Variants in CHIC1 observed in about 807,000 individuals in gnomAD.
CHIC1 encodes the protein cysteine-rich hydrophobic domain-containing protein 1.
CHIC1 carries 7 observed loss-of-function variants against 18.5 expected under a neutral mutation model. The ratio of observed to expected loss-of-function variants is 0.38; its 90% CI spans 0.22 to 0.71. The LOEUF is 0.71. Ranked by LOEUF, CHIC1 falls within the 30% of genes least tolerant of loss-of-function variation. The pLI, the probability that CHIC1 is intolerant of heterozygous loss-of-function variation, is 0.49. For synonymous variants in CHIC1, 77 were observed against 73.5 expected, an observed-to-expected ratio of 1.05 and a Z score of -0.25; for missense variants, 159 against 176.9, an observed-to-expected ratio of 0.90 and a Z score of 0.57.
chrX:73,675,873 T>C (rs1376166821), intron 3 of CHIC1, among the ~76,000 whole-genome samples: 6 of 110,372 alleles, frequency 5.4e-5, no homozygotes, highest in Non-Finnish European at 1.1e-4. Context: ...CTGGTACCGG[T>C]TGTTCCTTTC....
chrX:73,594,134 G>A (rs920795247), intron 3 of CHIC1, among the ~76,000 whole-genome samples: 2 of 97,966 alleles, frequency 2.0e-5, no homozygotes, highest in Admixed American at 2.2e-4. Flanking sequence ...TTGTGTACAG[G>A]TGCTTTCCTT....
intron 3 of CHIC1, among the ~76,000 whole-genome samples, chrX:73,614,872 T>A (rs183421207): frequency 1.8e-3 from 202 of 110,947 alleles, no homozygotes; most frequent in African/African-American, 6.2e-3. Context: ...TTTTATAAAT[T>A]TCTTTCTGAT....
intron 3 of CHIC1, among the ~76,000 whole-genome samples, chrX:73,661,015 T>C (rs1054550193): frequency 9.0e-6 from 1 of 111,608 alleles, no homozygotes; most frequent in Non-Finnish European, 1.9e-5. Context: ...TTTTGTTTTT[T>C]GAGCATATTT....
At chrX:73,665,662 T>C (rs1317665366) in intron 3 of CHIC1, among the ~76,000 whole-genome samples, 2 of 111,403 alleles carry the variant, frequency 1.8e-5, no homozygotes, top group Middle Eastern at 4.6e-3. Context: ...ATCTTCGTTT[T>C]CAAGGGTTCC....
chrX:73,625,741 T>G (rs1453754935), intron 3 of CHIC1, among the ~76,000 whole-genome samples: 2 of 111,002 alleles, frequency 1.8e-5, no homozygotes, highest in Non-Finnish European at 3.8e-5. Flanking sequence ...CCCCTAAATC[T>G]TAGGAAGGTC....
chrX:73,660,361 G>A (rs1037928532), intron 3 of CHIC1, among the ~76,000 whole-genome samples: 1 of 112,083 alleles, frequency 8.9e-6, no homozygotes, highest in Non-Finnish European at 1.9e-5. Context: ...TAGCCAAGCA[G>A]TTACATTATT....
chrX:73,607,117 A>G lies in CHIC1; in HGVS notation c.507+22545A>G, dbSNP rs753071043. Among the ~76,000 whole-genome samples, 4 of 108,188 alleles carry G rather than the reference A, an allele frequency of 3.7e-5. No homozygotes were observed. In the South Asian group the frequency reaches 1.2e-3, roughly 31 times the overall value. 93.9% of individuals were successfully genotyped at this position (108,188 alleles called of 115,157 possible). A position where few individuals can be genotyped will look rare whatever the true frequency, so the allele number is the denominator to read the frequency against. Reference sequence around the variant, plus strand: ...CCCCCAGGTGCTCTGTTCCAGGGAGATATGAGTTTTATCTATAAGTCTTTG... The same window carrying G: ...CCCCCAGGTGCTCTGTTCCAGGGAGGTATGAGTTTTATCTATAAGTCTTTG... On this transcript the variant is annotated intron_variant, in intron 3 of 5. Coordinates refer to ENST00000373502, the MANE Select transcript of CHIC1 (RefSeq NM_001039840.4).
intron 3 of CHIC1, among the ~76,000 whole-genome samples, chrX:73,616,316 C>T (rs1052072512): frequency 9.0e-6 from 1 of 111,520 alleles, no homozygotes; most frequent in African/African-American, 3.3e-5. Flanking sequence ...CTGGAGGTAT[C>T]TTAATTACCC....
At chrX:73,636,626 C>CT (rs771575914) in intron 3 of CHIC1, among the ~76,000 whole-genome samples, 9 of 108,460 alleles carry the variant, frequency 8.3e-5, no homozygotes, top group South Asian at 4.0e-4. Context: ...CTGTTTAGTT[C>CT]TTTTTTTTTG....
intron 3 of CHIC1, among the ~76,000 whole-genome samples, chrX:73,659,618 A>G (rs7890544): frequency 0.03 from 3,308 of 111,290 alleles, 142 homozygotes; most frequent in African/African-American, 0.1. Context: ...ACAAGAGGCG[A>G]ACCAAGCCTG....
chrX:73,664,301 A>G (rs2057994321), intron 3 of CHIC1, among the ~76,000 whole-genome samples: 1 of 111,265 alleles, frequency 9.0e-6, no homozygotes, highest in Admixed American at 9.6e-5. Context: ...CTTAGTCTCT[A>G]CTATTGGGGG....
chrX:73,609,596 T>TG lies in CHIC1; in HGVS notation c.507+25028dup, dbSNP rs1166096143. On this transcript the variant is annotated intron_variant, in intron 3 of 5. Coordinates refer to ENST00000373502, the MANE Select transcript of CHIC1 (RefSeq NM_001039840.4). ...TTTTCTTTTAAAATACTTATAGAGA[T>TG]GGGGTCTCTCTGTGTTGTCCAGGTT... Among the ~76,000 whole-genome samples, 6 of 109,660 alleles carry TG rather than the reference T, an allele frequency of 5.5e-5. 2 individuals carry two copies. The highest frequency in any genetic ancestry group is 2.1e-4 in the African/African-American group (6 of 28,407).
intron 3 of CHIC1, among the ~76,000 whole-genome samples, chrX:73,673,954 A>C (rs1160935054): frequency 1.8e-5 from 2 of 111,983 alleles, no homozygotes; most frequent in African/African-American, 3.2e-5. Flanking sequence ...AGTTTTTAGC[A>C]TGAAGGGTTG....
intron 3 of CHIC1, among the ~76,000 whole-genome samples, chrX:73,625,983 C>T (rs765771859): frequency 3.6e-5 from 4 of 110,565 alleles, no homozygotes; most frequent in Admixed American, 2.9e-4. Flanking sequence ...TCCTTTGGGT[C>T]GGGGGTCTCC....
chrX:73,646,714 G>T (rs908200204), intron 3 of CHIC1, among the ~76,000 whole-genome samples: 23 of 112,311 alleles, frequency 2.0e-4, no homozygotes, highest in Non-Finnish European at 3.9e-4. Context: ...AACTCCAACA[G>T]TTTTTTGGTG....
At chrX:73,615,242 G>T (rs772725347) in intron 3 of CHIC1, among the ~76,000 whole-genome samples, 3 of 110,850 alleles carry the variant, frequency 2.7e-5, no homozygotes, top group Admixed American at 9.6e-5. Flanking sequence ...GCCTTTTTTT[G>T]CCCCAGTGGT....
chrX:73,666,839 G>A (rs1463992845), intron 3 of CHIC1, among the ~76,000 whole-genome samples: 1 of 111,924 alleles, frequency 8.9e-6, no homozygotes, highest in African/African-American at 3.3e-5. Context: ...GTTGTTTTGG[G>A]GGTGGAAAGT....
chrX:73,659,780 G>A (rs1439827580), intron 3 of CHIC1, among the ~76,000 whole-genome samples: 4 of 111,277 alleles, frequency 3.6e-5, no homozygotes, highest in African/African-American at 1.3e-4. Flanking sequence ...GGAATTATAT[G>A]TCCCATGCCA....
intron 3 of CHIC1, among the ~76,000 whole-genome samples, chrX:73,642,345 C>T (rs1169688949): frequency 2.2e-4 from 24 of 111,614 alleles, no homozygotes; most frequent in African/African-American, 5.5e-4. Flanking sequence ...TCATGTCCTT[C>T]GCCCACCTTT....
Sources: allele counts gnomAD v4.1 joint callset (sites outside exome capture counted in the v4.1 genomes callset), GRCh38; gene constraint gnomAD v4.1.1; transcripts MANE v1.5; gene names NCBI Gene and HGNC (gene_info 2026-07-23, HGNC 2026-07-21).